Variants in NCOA3 observed in about 807,000 individuals in gnomAD.
NCOA3 encodes the protein CBP-interacting protein.
Under a neutral mutation model 158.8 loss-of-function variants are expected in NCOA3, and 51 were observed. The observed-to-expected ratio is 0.32, with a 90% CI of 0.26 to 0.41. The LOEUF is 0.41. NCOA3 is among the 10% of genes least tolerant of loss of function. The pLI, the probability that NCOA3 is intolerant of heterozygous loss-of-function variation, is 1.00. For missense variants in NCOA3, 1,510 were observed against 1,746.6 expected (o/e 0.86, Z 2.41); for synonymous variants, 537 against 592.4 (o/e 0.91, Z 1.36).
intron 12 of NCOA3, 119 bp downstream of exon 12, chr20:47,636,881 TTTC>T: frequency 1.1e-6 from 1 of 912,488 alleles, no homozygotes; most frequent in East Asian, 2.7e-5. Flanking sequence ...TTAGCTCTCA[TTTC>T]TTTATAATTA....
At chr20:47,635,823 A>C in intron 11 of NCOA3, 68 bp from the exon 12 acceptor site, 1 of 1,511,388 alleles carries the variant, frequency 6.6e-7, no homozygotes, top group Non-Finnish European at 8.9e-7. Context: ...AACTTTGAAG[A>C]ATTAAGTTGT....
At position 47,637,540 on chromosome 20, in the gene NCOA3, T is replaced by C. The variant is rs2086535333; in HGVS notation, c.2377-108T>C. On this transcript the variant is annotated intron_variant, in intron 12 of 22. Coordinates refer to ENST00000371998, the MANE Select transcript of NCOA3 (RefSeq NM_181659.3). ...GTGGGTATTATCATTGTAGGTAGTTTTTGTATTTTACTTGCTTCTATTTCA... is the reference window on the plus strand; with the variant it reads ...GTGGGTATTATCATTGTAGGTAGTTCTTGTATTTTACTTGCTTCTATTTCA... The C allele has an allele frequency of 6.7e-6, 6 of 896,932 alleles. No homozygotes were observed. The Admixed American group carries it at 1.8e-4, about 28-fold the overall frequency. 55.6% of individuals were successfully genotyped at this position (896,932 alleles called of 1,614,324 possible).
chr20:47,622,078 A>G (rs993631522), intron 2 of NCOA3, among the ~76,000 whole-genome samples, 151 bp from the exon 3 acceptor site: 2 of 152,202 alleles, frequency 1.3e-5, no homozygotes, highest in Admixed American at 6.5e-5. Context: ...TGTCTTCAGT[A>G]TAGTCATTTA....
chr20:47,527,889 C>T (rs1568656656), intron 1 of NCOA3, among the ~76,000 whole-genome samples: 1 of 152,144 alleles, frequency 6.6e-6, no homozygotes, highest in Non-Finnish European at 1.5e-5. Context: ...CTGTTCAAAT[C>T]TTTTGCCTCC....
At chr20:47,633,717 G>T in intron 9 of NCOA3, 81 bp downstream of exon 9, 2 of 1,448,876 alleles carry the variant, frequency 1.4e-6, no homozygotes, top group Non-Finnish European at 1.9e-6. Flanking sequence ...GGCTGGACTC[G>T]AACTCCTGGA....
At chr20:47,538,633 G>A (rs536574744) in intron 1 of NCOA3, among the ~76,000 whole-genome samples, 2 of 152,136 alleles carry the variant, frequency 1.3e-5, no homozygotes, top group South Asian at 4.2e-4. Context: ...TGCCTCCCGG[G>A]TTCAAGTAAT....
intron 1 of NCOA3, among the ~76,000 whole-genome samples, chr20:47,567,273 C>T (rs2085212010): frequency 6.6e-6 from 1 of 152,042 alleles, no homozygotes; most frequent in Non-Finnish European, 1.5e-5. Context: ...GTCTTGATCT[C>T]TTGACCTTGT....
In NCOA3 at chr20:47,577,700, A is replaced by G. The variant is rs554873672; in HGVS notation, c.-98-5483A>G. On this transcript the variant is annotated intron_variant, in intron 1 of 22. Transcript: ENST00000371998. ...TGCCAGTGCAGTGCCTGATTCTAAT[A>G]GATACACAGCAAGCATTTAATTGAA... Among the ~76,000 whole-genome samples, 3 of 152,352 alleles carry G rather than the reference A, an allele frequency of 2.0e-5. No homozygotes were observed. The South Asian group carries it at 6.2e-4, about 32-fold the overall frequency.
chr20:47,647,162 A>G lies in NCOA3; in HGVS notation c.3342A>G (p.Thr1114=). The part of the protein sequence containing the change: ...MDQKAGLYGQ[T]YPAQGPPMQG... ...AGAAGGCAGGATTATATGGACAGAC[A>G]TACCCAGCACAGGGGCCTCCAATGC... is the stretch of plus-strand genomic sequence containing the variant. The change falls in exon 18 of 23, where the codon ACA becomes ACG. Residue 1114 remains threonine (T), a synonymous_variant. Coordinates refer to ENST00000371998, the MANE Select transcript of NCOA3 (RefSeq NM_181659.3). 1 of 1,614,214 alleles carries G rather than the reference A, an allele frequency of 6.2e-7. No homozygotes were observed. Among genetic ancestry groups the G allele is most frequent in the Non-Finnish European group, 8.5e-7 (1 of 1,180,024 alleles).
chr20:47,576,703 CGAGGGGTCAGCATGCAGCCT>C (rs2085378200), intron 1 of NCOA3, among the ~76,000 whole-genome samples: 1 of 152,112 alleles, frequency 6.6e-6, no homozygotes, highest in South Asian at 2.1e-4. Context: ...ATTTGCAGCC[CGAGGGGTCAGCATGCAGCCT>C]GTGTTTCCTG....
At chr20:47,505,002 G>GTTTTTTTT (rs2084003938) in intron 1 of NCOA3, among the ~76,000 whole-genome samples, 5 of 8,554 alleles carry the variant, frequency 5.8e-4, no homozygotes, top group South Asian at 4.6e-3. Context: ...TTGGGTTTTT[G>GTTTTTTTT]GTTTTTTTTT....
chr20:47,533,542 G>T (rs548538035), intron 1 of NCOA3, among the ~76,000 whole-genome samples: 92 of 152,056 alleles, frequency 6.1e-4, no homozygotes, highest in Middle Eastern at 6.8e-3. Context: ...CAGTATATGG[G>T]TTTAGCAGAG....
chr20:47,636,202 G>T lies in NCOA3; in HGVS notation c.1816G>T (p.Ala606Ser), dbSNP rs1293535053. Residue 606 changes from alanine to serine, a missense_variant, in exon 12 of 23, where the codon GCA (alanine) becomes TCA (serine). By Grantham distance (99) the Ala-to-Ser change is moderately conservative (BLOSUM62 1). Transcript: ENST00000371998. ...KESKESSVEG[A>S]ENQRGPLESK... The stretch of plus-strand genomic sequence containing the variant: ...AAGTAAGGAGAGCAGTGTTGAGGGG[G>T]CAGAGAATCAAAGGGGTCCTTTGGA... 1 of 1,614,156 alleles carries T rather than the reference G, an allele frequency of 6.2e-7. No individual in the cohort carries two copies. Among genetic ancestry groups the T allele is most frequent in the Non-Finnish European group, 8.5e-7 (1 of 1,180,018 alleles).
At chr20:47,625,267 G>A in intron 4 of NCOA3, 114 bp from the exon 5 acceptor site, 1 of 651,542 alleles carries the variant, frequency 1.5e-6, no homozygotes, top group South Asian at 1.9e-5. Context: ...TGTTTTGTAT[G>A]TATGTATGGG....
At chr20:47,587,419 A>G (rs1429042651) in intron 2 of NCOA3, among the ~76,000 whole-genome samples, 1 of 152,202 alleles carries the variant, frequency 6.6e-6, no homozygotes, top group African/African-American at 2.4e-5. Context: ...AGGAAATAAT[A>G]TGCATGCTTA....
At chr20:47,570,935 T>TAC (rs1355297954) in intron 1 of NCOA3, among the ~76,000 whole-genome samples, 610 of 56,912 alleles carry the variant, frequency 0.011, 8 homozygotes, top group Admixed American at 0.041. Context: ...AGCAGTAATA[T>TAC]ATATACACAC....
Position 47,636,770 on chromosome 20 carries a change from G to A in NCOA3, c.2376+8G>A, listed in dbSNP as rs756838089. The A allele has an allele frequency of 5.7e-6, 9 of 1,592,746 alleles. No homozygotes were observed. The highest frequency in any genetic ancestry group is 7.7e-6 in the Non-Finnish European group (9 of 1,167,206). On this transcript the variant is annotated splice_region_variant and intron_variant, in intron 12 of 22. Coordinates refer to ENST00000371998, the MANE Select transcript of NCOA3 (RefSeq NM_181659.3). Reference sequence around the variant, plus strand: ...ACAGAGACAAGTGAAGAGGTAATTTGTTTTCTGTATATTTCAGCTCATATT... The same window carrying A: ...ACAGAGACAAGTGAAGAGGTAATTTATTTTCTGTATATTTCAGCTCATATT...
At chr20:47,651,759 G>A (rs1413107405) in intron 20 of NCOA3, among the ~76,000 whole-genome samples, 1 of 151,876 alleles carries the variant, frequency 6.6e-6, no homozygotes, top group Admixed American at 6.6e-5. Context: ...CTGCCTCCCG[G>A]GTTCAAGTGA....
intron 1 of NCOA3, among the ~76,000 whole-genome samples, chr20:47,555,939 GCCTTTTTTTTT>G (rs1568679439): frequency 6.8e-6 from 1 of 146,698 alleles, no homozygotes; most frequent in Non-Finnish European, 1.5e-5. Context: ...ACTGCACCCA[GCCTTTTTTTTT>G]TTTTTTTTCT....
Sources: gnomAD v4.1 joint callset for allele counts (sites outside exome capture counted in the v4.1 genomes callset) on GRCh38, gnomAD v4.1.1 for gene constraint, MANE v1.5 for transcripts, NCBI Gene and HGNC (gene_info 2026-07-23, HGNC 2026-07-21) for gene names.